Variants in NYAP2 observed in about 807,000 individuals in gnomAD.
NYAP2 encodes neuronal tyrosine-phosphorylated phosphoinositide-3-kinase adaptor 2, also known as neuronal tyrosine-phosphorylated phosphoinositide-3-kinase adapter 2.
A neutral mutation model predicts 50.4 loss-of-function variants in NYAP2; 23 were observed. The observed-to-expected ratio is 0.46, with a 90% CI of 0.33 to 0.65. The LOEUF is 0.65. NYAP2 is among the 30% of genes least tolerant of loss of function. The pLI is 0.02. For synonymous variants in NYAP2, 394 were observed against 365.2 expected, an observed-to-expected ratio of 1.08 and a Z score of -0.90; for missense variants, 885 against 861.0, an observed-to-expected ratio of 1.03 and a Z score of -0.35.
intron 6 of NYAP2, among the ~76,000 whole-genome samples, chr2:225,649,892 C>T (rs965286820): frequency 6.6e-6 from 1 of 152,218 alleles, no homozygotes; most frequent in Admixed American, 6.5e-5. Flanking sequence ...CTAGCAGAGT[C>T]AGATTCAAAA....
At chr2:225,532,536 T>C (rs1333207140) in intron 4 of NYAP2, among the ~76,000 whole-genome samples, 1 of 152,192 alleles carries the variant, frequency 6.6e-6, no homozygotes, top group Non-Finnish European at 1.5e-5. Flanking sequence ...CCTTTGGAAA[T>C]CTCTGCTTTC....
At chr2:225,655,974 A>G (rs974013011), downstream of NYAP2, among the ~76,000 whole-genome samples, 9 of 151,354 alleles carry the variant, frequency 5.9e-5, no homozygotes, top group Non-Finnish European at 1.0e-4. Flanking sequence ...TCACACATTC[A>G]CTCACAAACA....
chr2:225,596,293 T>A (rs1692595639), intron 5 of NYAP2, among the ~76,000 whole-genome samples: 1 of 152,236 alleles, frequency 6.6e-6, no homozygotes, highest in Non-Finnish European at 1.5e-5. Context: ...TGCTCCTTCA[T>A]TTTTATGAAA....
chr2:225,616,039 T>C (rs1692983958), intron 5 of NYAP2, among the ~76,000 whole-genome samples: 1 of 152,222 alleles, frequency 6.6e-6, no homozygotes, highest in Admixed American at 6.5e-5. Context: ...GTGAAGGCTC[T>C]GTGATGTTTT....
At chr2:225,577,853 G>A (rs1004844155) in intron 4 of NYAP2, among the ~76,000 whole-genome samples, 3 of 150,782 alleles carry the variant, frequency 2.0e-5, no homozygotes. Flanking sequence ...CATATTGAAA[G>A]AATGAATCTG....
intron 4 of NYAP2, among the ~76,000 whole-genome samples, chr2:225,524,899 G>A (rs190071267): frequency 2.1e-4 from 32 of 152,068 alleles, no homozygotes; most frequent in African/African-American, 7.5e-4. Flanking sequence ...GAAAAAATGA[G>A]TAACCCCATA....
At chr2:225,539,562 A>G (rs1373133072) in intron 4 of NYAP2, among the ~76,000 whole-genome samples, 1 of 152,112 alleles carries the variant, frequency 6.6e-6, no homozygotes, top group African/African-American at 2.4e-5. Context: ...ATGGTATCTC[A>G]TTATTGTTTT....
chr2:225,608,318 A>T (rs1299812974), intron 5 of NYAP2, among the ~76,000 whole-genome samples: 1 of 152,142 alleles, frequency 6.6e-6, no homozygotes, highest in Non-Finnish European at 1.5e-5. Flanking sequence ...TGTTGATTTC[A>T]CATGCCCAGA....
At chr2:225,592,032 G>A (rs767926925) in intron 5 of NYAP2, among the ~76,000 whole-genome samples, 1 of 152,190 alleles carries the variant, frequency 6.6e-6, no homozygotes, top group African/African-American at 2.4e-5. Context: ...GTGGGCCTCA[G>A]AATCGCCTAA....
chr2:225,509,173 G>T (rs775572992), intron 3 of NYAP2, among the ~76,000 whole-genome samples: 1 of 152,146 alleles, frequency 6.6e-6, no homozygotes, highest in Non-Finnish European at 1.5e-5. Context: ...TTGGTGGAGA[G>T]ACTAATCTCT....
chr2:225,468,029 A>T (rs1689950180), intron 3 of NYAP2, among the ~76,000 whole-genome samples: 1 of 152,224 alleles, frequency 6.6e-6, no homozygotes, highest in Non-Finnish European at 1.5e-5. Context: ...GAGTTTGGGC[A>T]TATATTGAGC....
intron 5 of NYAP2, among the ~76,000 whole-genome samples, chr2:225,606,044 C>A (rs1224283014): frequency 2.0e-5 from 3 of 152,102 alleles, no homozygotes; most frequent in Admixed American, 1.3e-4. Flanking sequence ...CAGTCAAGAA[C>A]AGGAACATCT....
intron 3 of NYAP2, among the ~76,000 whole-genome samples, chr2:225,507,320 C>T (rs553768587): frequency 6.6e-6 from 1 of 152,312 alleles, no homozygotes; most frequent in Admixed American, 6.5e-5. Flanking sequence ...CTCACCTCAG[C>T]AGCTCACCTT....
chr2:225,448,405 G>A (rs189768590), intron 3 of NYAP2, among the ~76,000 whole-genome samples: 2 of 152,320 alleles, frequency 1.3e-5, no homozygotes, highest in African/African-American at 4.8e-5. Context: ...GGGGATGGAA[G>A]TGGGGAAGGA....
intron 6 of NYAP2, among the ~76,000 whole-genome samples, chr2:225,634,420 T>A: frequency 6.6e-6 from 1 of 152,182 alleles, no homozygotes; most frequent in East Asian, 1.9e-4. Flanking sequence ...GCAGAACGGT[T>A]CTGGGACTTC....
intron 4 of NYAP2, among the ~76,000 whole-genome samples, chr2:225,523,360 A>G (rs1691099281): frequency 1.3e-5 from 2 of 151,944 alleles, no homozygotes; most frequent in South Asian, 4.1e-4. Context: ...CCTATATTTG[A>G]TAAATGAATT....
chr2:225,671,299 G>A, the NYAP2 span, among the ~76,000 whole-genome samples: 1 of 151,968 alleles, frequency 6.6e-6, no homozygotes, highest in African/African-American at 2.4e-5. Flanking sequence ...AAGCTTATGT[G>A]ATATTCTAAA....
At chr2:225,465,241 G>T (rs1472014701) in intron 3 of NYAP2, among the ~76,000 whole-genome samples, 1 of 151,970 alleles carries the variant, frequency 6.6e-6, no homozygotes, top group Non-Finnish European at 1.5e-5. Context: ...CTGAATTCCA[G>T]GCCTGCTATC....
At chr2:225,624,198 T>C (rs911430319) in intron 5 of NYAP2, among the ~76,000 whole-genome samples, 7 of 152,248 alleles carry the variant, frequency 4.6e-5, no homozygotes, top group Non-Finnish European at 1.0e-4. Flanking sequence ...TTCAGGGTGC[T>C]GCCCAATTCA....
Sources: gnomAD v4.1 joint callset for allele counts (sites outside exome capture counted in the v4.1 genomes callset) on GRCh38, gnomAD v4.1.1 for gene constraint, MANE v1.5 for transcripts, NCBI Gene and HGNC (gene_info 2026-07-23, HGNC 2026-07-21) for gene names.